The following ADAMTS14 variants were observed in gnomAD, a reference collection of about 807,000 sequenced individuals.
The protein encoded by ADAMTS14 is A disintegrin and metalloproteinase with thrombospondin motifs 14.
ADAMTS14 carries 100 observed loss-of-function variants against 128.6 expected under a neutral mutation model. The ratio of observed to expected loss-of-function variants is 0.78; its 90% confidence interval spans 0.66 to 0.92. The LOEUF (loss-of-function observed/expected upper bound fraction) is 0.92, where lower values mean the gene tolerates loss of function less well. ADAMTS14 is among the 40% of genes least tolerant of loss of function. The pLI is 0.00. For synonymous variants in ADAMTS14, 665 were observed against 653.8 expected, an observed-to-expected ratio of 1.02 and a Z score of -0.26; for missense variants, 1,562 against 1,658.6, an observed-to-expected ratio of 0.94 and a Z score of 1.01.
chr10:70,750,127 T>C, intron 16 of ADAMTS14, 142 bp downstream of exon 16: 1 of 1,097,418 alleles, frequency 9.1e-7, no homozygotes, highest in South Asian at 1.6e-5. Context: ...CATCCTGGGA[T>C]TAGCTCCTCA....
At position 70,736,772 on chromosome 10, in the gene ADAMTS14, G is replaced by T. The variant is rs1230503700; in HGVS notation, c.1578G>T (p.Gly526=). 1 of 1,613,812 alleles carries T rather than the reference G, an allele frequency of 6.2e-7. No individual in the cohort carries two copies. Among genetic ancestry groups the T allele is most frequent in the Non-Finnish European group, 8.5e-7 (1 of 1,179,788 alleles). Residue 526 remains glycine, a synonymous_variant, in exon 10 of 22, where the codon GGG becomes GGT. Coordinates refer to ENST00000373207, the MANE Select transcript of ADAMTS14 (RefSeq NM_080722.4). ...CKTKKGPPLD[G]TECAPGKWCF... is the part of the protein sequence containing the mutation. ...CCAAGAAGGGGCCCCCGCTGGATGG[G>T]ACTGAGTGTGCACCCGGCAAGGTAC...
intron 15 of ADAMTS14, among the ~76,000 whole-genome samples, chr10:70,749,499 G>A (rs985637213): frequency 2.6e-5 from 4 of 152,216 alleles, no homozygotes; most frequent in Admixed American, 2.6e-4. Context: ...CCCTGGAGGA[G>A]AGGAGATTAT....
intron 4 of ADAMTS14, among the ~76,000 whole-genome samples, chr10:70,713,365 G>A (rs1840920886): frequency 6.6e-6 from 1 of 152,334 alleles, no homozygotes; most frequent in Non-Finnish European, 1.5e-5. Context: ...GGGTTCTTGT[G>A]GTTGCAGGTG....
intron 17 of ADAMTS14, 61 bp from the exon 18 acceptor site, chr10:70,752,034 C>T (rs1160687245): frequency 6.4e-7 from 1 of 1,565,390 alleles, no homozygotes. Flanking sequence ...CCCCTGAGGC[C>T]CCACCAGGGC....
chr10:70,673,454 T>C (rs555722291), intron 1 of ADAMTS14, among the ~76,000 whole-genome samples: 1 of 152,182 alleles, frequency 6.6e-6, no homozygotes, highest in South Asian at 2.1e-4. Flanking sequence ...CCAGATACAC[T>C]CCACTCCCGC....
intron 2 of ADAMTS14, among the ~76,000 whole-genome samples, chr10:70,690,033 C>T (rs550310750): frequency 6.9e-6 from 1 of 145,086 alleles, no homozygotes; most frequent in African/African-American, 2.4e-5. Flanking sequence ...AGAATGTTAG[C>T]TCCGTGCAAA....
Position 70,689,418 on chromosome 10 carries a change from A to G in ADAMTS14, c.523-12894A>G, listed in dbSNP as rs150741454. 7.7e-4 allele frequency among the ~76,000 whole-genome samples: 112 copies of G among 145,050 alleles called. 8 individuals carry two copies. In the East Asian group the frequency reaches 0.013, roughly 17 times the overall value. On this transcript the variant is annotated intron_variant, in intron 2 of 21. Coordinates refer to ENST00000373207, the MANE Select transcript of ADAMTS14 (RefSeq NM_080722.4). ...GCCAAGAGCCACCACCACAGAGCAC[A>G]AAGGAGGGAGCAGTGATGGGGTGGC...
intron 2 of ADAMTS14, among the ~76,000 whole-genome samples, chr10:70,681,811 G>A (rs757143556): frequency 5.9e-5 from 9 of 152,344 alleles, no homozygotes; most frequent in South Asian, 2.1e-4. Context: ...ATCTTGACCT[G>A]CAGGCCTCCT....
Position 70,707,003 on chromosome 10 carries a change from C to T in ADAMTS14, c.680-1585C>T, listed in dbSNP as rs111659816. Among the ~76,000 whole-genome samples, 64 of 152,336 alleles carry T rather than the reference C, an allele frequency of 4.2e-4. 1 individual carries two copies. The East Asian group carries it at 0.012, about 28-fold the overall frequency. On this transcript the variant is annotated intron_variant, in intron 3 of 21. Coordinates refer to ENST00000373207, the MANE Select transcript of ADAMTS14 (RefSeq NM_080722.4). The stretch of plus-strand genomic sequence containing the variant: ...GATTGTGCAGGGGCAGGGCCCTCTG[C>T]CCCCTGTGCTGAAGCAGGTTATCTC...
At chr10:70,719,109 A>G (rs1841163473) in intron 4 of ADAMTS14, among the ~76,000 whole-genome samples, 1 of 152,084 alleles carries the variant, frequency 6.6e-6, no homozygotes, top group South Asian at 2.1e-4. Flanking sequence ...CAGGGATTCC[A>G]CTAAACATCT....
intron 12 of ADAMTS14, among the ~76,000 whole-genome samples, chr10:70,741,647 A>G (rs1245417332): frequency 6.6e-6 from 1 of 152,174 alleles, no homozygotes; most frequent in African/African-American, 2.4e-5. Context: ...GTTTCAGCAG[A>G]GTCGATGAGA....
intron 2 of ADAMTS14, among the ~76,000 whole-genome samples, chr10:70,676,105 AATC>A (rs1839639009): frequency 1.3e-5 from 2 of 150,494 alleles, no homozygotes; most frequent in Admixed American, 1.3e-4. Context: ...ATTTCCTCCC[AATC>A]ATCAGTCTAC....
intron 2 of ADAMTS14, among the ~76,000 whole-genome samples, chr10:70,682,203 G>A (rs796649757): frequency 1.3e-5 from 2 of 152,286 alleles, no homozygotes; most frequent in African/African-American, 4.8e-5. Flanking sequence ...GGAGTAAGCA[G>A]GTAACAGAAG....
rs1161335757 is a variant in ADAMTS14 at position 70,752,195 on chromosome 10, G to A, written c.2697G>A (p.Arg899=). 6.2e-7 allele frequency: 1 copy of A among 1,613,798 alleles called. No individual in the cohort carries two copies. The highest frequency in any genetic ancestry group is 2.2e-5 in the East Asian group (1 of 44,884). ...DHKKRPKPIR[R]RCNQHPCSQP... ...AGAAGAGGCCCAAGCCCATCCGCCG[G>A]CGCTGCAACCAGCACCCGTGCTCTC... Residue 899 remains arginine, a synonymous_variant, in exon 18 of 22, where the codon CGG becomes CGA. Transcript: ENST00000373207.
In ADAMTS14 at chr10:70,752,156, C is replaced by A; in HGVS notation, c.2658C>A (p.His886Gln). Residue 886 changes from histidine to glutamine, a missense_variant, in exon 18 of 22, where the codon CAC becomes CAA. Transcript: ENST00000373207. Reference sequence around the variant, plus strand: ...GAGACCACCACATGGTGCAGCGACACCTGTGTGACCACAAGAAGAGGCCCA... The same window carrying A: ...GAGACCACCACATGGTGCAGCGACAACTGTGTGACCACAAGAAGAGGCCCA... Reference protein sequence around the residue: ...RRRDHHMVQRHLCDHKKRPKP... With the variant: ...RRRDHHMVQRQLCDHKKRPKP... The A allele has an allele frequency of 6.2e-7, 1 of 1,613,572 alleles. No homozygotes were observed. The highest frequency in any genetic ancestry group is 8.5e-7 in the Non-Finnish European group (1 of 1,179,974).
intron 4 of ADAMTS14, among the ~76,000 whole-genome samples, chr10:70,710,341 A>G (rs961288696): frequency 3.3e-5 from 5 of 152,176 alleles, no homozygotes; most frequent in Non-Finnish European, 5.9e-5. Flanking sequence ...GGTCCTGAAG[A>G]ATTTGAGTGA....
At position 70,760,812 on chromosome 10, in the gene ADAMTS14, C is replaced by T; in HGVS notation, c.3631C>T (p.His1211Tyr). The change falls in exon 22 of 22, where the codon CAT becomes TAT. Residue 1211 changes from histidine to tyrosine, a missense_variant. His to Tyr is a moderately conservative substitution (Grantham distance 83, BLOSUM62 2). Transcript: ENST00000373207. ...AGGGCAACCTGGAGAAGACCTGAGA[C>T]ATCCCGGCACCAGCCTCCCTGCTGC... ...DKGQPGEDLRHPGTSLPAASP... is the reference protein window; with the variant it reads ...DKGQPGEDLRYPGTSLPAASP... 3 of 1,591,876 alleles carry T rather than the reference C, an allele frequency of 1.9e-6. No homozygotes were observed. The highest frequency in any genetic ancestry group is 2.6e-6 in the Non-Finnish European group (3 of 1,166,634).
At chr10:70,753,233 A>G (rs1276293437) in intron 18 of ADAMTS14, among the ~76,000 whole-genome samples, 1 of 152,202 alleles carries the variant, frequency 6.6e-6, no homozygotes, top group Non-Finnish European at 1.5e-5. Context: ...CCCAGTGGGC[A>G]TGCGCTTAAG....
intron 9 of ADAMTS14, 86 bp from the exon 10 acceptor site, chr10:70,736,594 C>T: frequency 7.6e-7 from 1 of 1,312,856 alleles, no homozygotes; most frequent in Non-Finnish European, 1.1e-6. Flanking sequence ...CTGCACTCAT[C>T]ACACCCTCTT....
Sources: gnomAD v4.1 joint callset for allele counts (sites outside exome capture counted in the v4.1 genomes callset) on GRCh38, gnomAD v4.1.1 for gene constraint, MANE v1.5 for transcripts, NCBI Gene and HGNC (gene_info 2026-07-23, HGNC 2026-07-21) for gene names.